KIAA0586: variants seen among roughly 807,000 people sequenced by gnomAD.
KIAA0586 encodes the protein KIAA0586.
KIAA0586 carries 144 observed loss-of-function variants against 169.8 expected under a neutral mutation model. The observed-to-expected ratio is 0.85, with a 90% confidence interval of 0.74 to 0.97. The LOEUF (loss-of-function observed/expected upper bound fraction) is 0.97, where lower values mean the gene tolerates loss of function less well. KIAA0586 is among the 50% of genes least tolerant of loss of function. The pLI is 0.00. For missense variants in KIAA0586, 1,854 were observed against 1,823.0 expected, an observed-to-expected ratio of 1.02 and a Z score of -0.31; for synonymous variants, 625 against 612.4, an observed-to-expected ratio of 1.02 and a Z score of -0.30.
At chr14:58,515,154 A>G (rs554839068) in intron 29 of KIAA0586, among the ~76,000 whole-genome samples, 26 of 152,086 alleles carry the variant, frequency 1.7e-4, no homozygotes, top group African/African-American at 6.0e-4. Flanking sequence ...TTTTATGGTA[A>G]AATGCTGTAA....
chr14:58,444,676 G>T lies in KIAA0586; in HGVS notation c.807+501G>T, dbSNP rs959965235. Among the ~76,000 whole-genome samples the T allele has an allele frequency of 2.6e-5, 4 of 151,964 alleles. No individual in the cohort carries two copies. In the East Asian group the frequency reaches 7.7e-4, roughly 29 times the overall value. On this transcript the variant is annotated intron_variant, in intron 6 of 30. Coordinates refer to ENST00000652326, the MANE Select transcript of KIAA0586 (RefSeq NM_001329943.3). ...TGACCTCAAGTGATCTGCCTTCCTC[G>T]GCCTCCCAAAGTGCTAGAGTTACCT...
Position 58,521,826 on chromosome 14 carries a change from G to T in KIAA0586, c.4429+9199G>T. The T allele has an allele frequency of 3.5e-6, 3 of 852,114 alleles. No individual in the cohort carries two copies. The South Asian group carries it at 3.9e-5, about 11-fold the overall frequency. The allele number at this position is 852,114 out of a possible 1,614,324, so 52.8% of individuals were successfully genotyped here. The stretch of plus-strand genomic sequence containing the variant: ...GAAGAAAGATGAGACTAATGTGAAG[G>T]TGGAGTCGGAGCGGGGTGCAGATGA... On this transcript the variant is annotated intron_variant, in intron 29 of 30. Coordinates refer to ENST00000652326, the MANE Select transcript of KIAA0586 (RefSeq NM_001329943.3).
chr14:58,480,904 A>G (rs1019889828), intron 20 of KIAA0586, among the ~76,000 whole-genome samples: 3 of 152,214 alleles, frequency 2.0e-5, no homozygotes, highest in African/African-American at 7.2e-5. Flanking sequence ...GACATTTTAC[A>G]AATTGGGTAT....
At chr14:58,519,370 C>G (rs1180471506) in intron 29 of KIAA0586, among the ~76,000 whole-genome samples, 1 of 152,114 alleles carries the variant, frequency 6.6e-6, no homozygotes, top group Non-Finnish European at 1.5e-5. Context: ...TTCCATGTAG[C>G]TAGGACTACA....
Position 58,540,307 on chromosome 14 carries a change from G to T in KIAA0586, c.4495+171G>T, listed in dbSNP as rs755722382. Among the ~76,000 whole-genome samples, 5 of 152,106 alleles carry T rather than the reference G, an allele frequency of 3.3e-5. 1 individual carries two copies. The highest frequency in any genetic ancestry group is 7.3e-5 in the Non-Finnish European group (5 of 68,030). ...AGGTTACAAACTCAGCTCTCCAAAA[G>T]GCGTAAGTTAGGGGACAGGAAAGAA... is the stretch of plus-strand genomic sequence containing the variant. On this transcript the variant is annotated intron_variant, in intron 30 of 30. Coordinates refer to ENST00000652326, the MANE Select transcript of KIAA0586 (RefSeq NM_001329943.3).
Position 58,461,085 on chromosome 14 carries a change from G to C in KIAA0586, c.1984G>C (p.Gly662Arg), listed in dbSNP as rs1323265184. The change falls in exon 14 of 31, where the codon GGA (glycine) becomes CGA (arginine). Residue 662 changes from glycine (G) to arginine (R), a missense_variant. Physicochemically the swap from Gly to Arg is moderately radical, Grantham distance 125. Transcript: ENST00000652326. ...GGGCCATCGAAGCACTCTTAAAAAAGGACCATATCTCAGATTTAATTCTCC... is the reference window on the plus strand; with the variant it reads ...GGGCCATCGAAGCACTCTTAAAAAACGACCATATCTCAGATTTAATTCTCC... ...YQGHRSTLKK[G>R]PYLRFNSPSP... is the part of the protein sequence containing the mutation. 9 of 1,611,404 alleles carry C rather than the reference G, an allele frequency of 5.6e-6. No individual in the cohort carries two copies. In the African/African-American group the frequency reaches 8.0e-5, roughly 14 times the overall value.
At chr14:58,531,647 C>G (rs138958764) in intron 29 of KIAA0586, among the ~76,000 whole-genome samples, 77 of 152,220 alleles carry the variant, frequency 5.1e-4, no homozygotes, top group Middle Eastern at 6.8e-3. Context: ...GATCTAGAAC[C>G]AGAAATACCA....
At position 58,465,336 on chromosome 14, in the gene KIAA0586, A is replaced by G. The variant is rs138324711; in HGVS notation, c.2060-499A>G. Among the ~76,000 whole-genome samples, 70 of 152,360 alleles carry G rather than the reference A, an allele frequency of 4.6e-4. No homozygotes were observed. The East Asian group carries it at 0.011, about 23-fold the overall frequency. Reference sequence around the variant, plus strand: ...TGTAATGAGAAAATGAAAATCATCAATTCCAAAAATGATCATTAACTTTTT... The same window carrying G: ...TGTAATGAGAAAATGAAAATCATCAGTTCCAAAAATGATCATTAACTTTTT... On this transcript the variant is annotated intron_variant, in intron 14 of 30. Transcript: ENST00000652326.
chr14:58,550,358 C>T lies in KIAA0586; in HGVS notation c.*2426C>T, dbSNP rs2047171907. The stretch of plus-strand genomic sequence containing the variant: ...TTCATGGTTACTCCTGTACACATTC[C>T]TCTGCCAACCACTTCAGATTCTTTT... On this transcript the variant is annotated 3_prime_UTR_variant, in exon 31 of 31. Coordinates refer to ENST00000652326, the MANE Select transcript of KIAA0586 (RefSeq NM_001329943.3). The T allele has an allele frequency of 6.6e-6, 1 of 152,178 alleles. No individual in the cohort carries two copies. The highest frequency in any genetic ancestry group is 2.4e-5 in the African/African-American group (1 of 41,458). The allele number at this position is 152,178 out of a possible 1,614,324, so 9.4% of individuals were successfully genotyped here. A position where few individuals can be genotyped will look rare whatever the true frequency, so the allele number is the denominator to read the frequency against.
intron 14 of KIAA0586, 147 bp downstream of exon 14, chr14:58,461,307 A>G: frequency 2.0e-6 from 1 of 489,940 alleles, no homozygotes; most frequent in East Asian, 3.4e-5. Context: ...TCCTCTTAGG[A>G]GAGGTAGGAA....
intron 6 of KIAA0586, among the ~76,000 whole-genome samples, chr14:58,446,170 T>G (rs2038884187): frequency 6.6e-6 from 1 of 151,908 alleles, no homozygotes; most frequent in African/African-American, 2.4e-5. Context: ...GCGCCTGGCC[T>G]ACTGTGCATT....
chr14:58,431,643 C>G (rs2037384365), intron 3 of KIAA0586, among the ~76,000 whole-genome samples: 1 of 152,142 alleles, frequency 6.6e-6, no homozygotes, highest in South Asian at 2.1e-4. Context: ...TGCATTGAAT[C>G]TGTAGATGGC....
intron 30 of KIAA0586, among the ~76,000 whole-genome samples, chr14:58,547,065 GT>G (rs1275764663): frequency 6.6e-6 from 1 of 151,478 alleles, no homozygotes; most frequent in Non-Finnish European, 1.5e-5. Context: ...GAGTTTAAGA[GT>G]CCATTTTTTA....
At chr14:58,521,301 G>C in intron 29 of KIAA0586, 1 of 1,136,020 alleles carries the variant, frequency 8.8e-7, no homozygotes, top group Non-Finnish European at 1.3e-6. Flanking sequence ...CAACACTCTT[G>C]TGCTCCAGAA....
At chr14:58,529,327 AAGAG>A (rs2045804940) in intron 29 of KIAA0586, among the ~76,000 whole-genome samples, 1 of 152,220 alleles carries the variant, frequency 6.6e-6, no homozygotes, top group African/African-American at 2.4e-5. Context: ...AGAATAGAAA[AAGAG>A]AGACTGCTCC....
intron 14 of KIAA0586, among the ~76,000 whole-genome samples, chr14:58,461,930 G>A (rs996595070): frequency 1.3e-5 from 2 of 152,058 alleles, no homozygotes; most frequent in African/African-American, 4.8e-5. Flanking sequence ...ACAACTTTTG[G>A]TTATATACTG....
At chr14:58,435,175 C>T (rs1350223620) in intron 4 of KIAA0586, among the ~76,000 whole-genome samples, 1 of 152,208 alleles carries the variant, frequency 6.6e-6, no homozygotes, top group Non-Finnish European at 1.5e-5. Flanking sequence ...GTTTAAGTCA[C>T]CCAGGCAGTC....
chr14:58,460,475 A>T (rs1286391452), intron 13 of KIAA0586, among the ~76,000 whole-genome samples: 1 of 152,222 alleles, frequency 6.6e-6, no homozygotes, highest in East Asian at 1.9e-4. Context: ...ACTAGATGGT[A>T]TGGAGGAAAT....
chr14:58,487,435 C>T (rs1218820044), intron 22 of KIAA0586, among the ~76,000 whole-genome samples: 1 of 151,888 alleles, frequency 6.6e-6, no homozygotes, highest in Non-Finnish European at 1.5e-5. Context: ...GGTGAAACCC[C>T]TCTCTACTAA....
Sources: allele counts gnomAD v4.1 joint callset (sites outside exome capture counted in the v4.1 genomes callset), GRCh38; gene constraint gnomAD v4.1.1; transcripts MANE v1.5; gene names NCBI Gene and HGNC (gene_info 2026-07-23, HGNC 2026-07-21).